Variants in ARHGAP12 observed in about 807,000 individuals in gnomAD.
ARHGAP12 encodes the protein rho GTPase-activating protein 12.
In ARHGAP12, 64 loss-of-function variants were observed where a neutral mutation model predicts 108.6. The observed-to-expected ratio is 0.59, with a 90% CI of 0.48 to 0.73. ARHGAP12 has a LOEUF of 0.73. ARHGAP12 is among the 30% of genes least tolerant of loss of function. The pLI is 0.00. For missense variants in ARHGAP12, 940 were observed against 1,005.9 expected, an observed-to-expected ratio of 0.93 and a Z score of 0.89; for synonymous variants, 312 against 337.2, an observed-to-expected ratio of 0.93 and a Z score of 0.82.
intron 3 of ARHGAP12, 131 bp downstream of exon 3, chr10:31,908,041 G>C: frequency 1.2e-6 from 1 of 840,310 alleles, no homozygotes; most frequent in Non-Finnish European, 1.8e-6. Context: ...CTCTAAATCA[G>C]GATAGAACCC....
chr10:31,916,976 C>G (rs1470364997), intron 1 of ARHGAP12, among the ~76,000 whole-genome samples: 1 of 152,142 alleles, frequency 6.6e-6, no homozygotes, highest in Non-Finnish European at 1.5e-5. Flanking sequence ...TACGTATAAC[C>G]TATTTAGCAA....
intron 11 of ARHGAP12, among the ~76,000 whole-genome samples, chr10:31,825,097 T>C (rs1835555810): frequency 6.6e-6 from 1 of 152,078 alleles, no homozygotes; most frequent in Admixed American, 6.5e-5. Flanking sequence ...AGGGAGCAAA[T>C]TAAAAGATTA....
intron 3 of ARHGAP12, among the ~76,000 whole-genome samples, chr10:31,894,882 T>C (rs576901727): frequency 0.012 from 1,816 of 152,270 alleles, 45 homozygotes; most frequent in African/African-American, 0.041. Context: ...AACAGCATGG[T>C]ACTGGTACCA....
intron 3 of ARHGAP12, among the ~76,000 whole-genome samples, chr10:31,883,458 C>G (rs1344552212): frequency 2.6e-5 from 4 of 152,198 alleles, no homozygotes; most frequent in African/African-American, 9.7e-5. Context: ...ATCTCTCACA[C>G]TGCATAACAT....
intron 1 of ARHGAP12, among the ~76,000 whole-genome samples, chr10:31,919,997 C>T (rs886170206): frequency 8.0e-5 from 12 of 150,780 alleles, no homozygotes; most frequent in African/African-American, 2.9e-4. Flanking sequence ...GCCTGTAATC[C>T]CAGCTACTCA....
chr10:31,918,353 ACACAC>A (rs1486837304), intron 1 of ARHGAP12, among the ~76,000 whole-genome samples: 1 of 147,778 alleles, frequency 6.8e-6, no homozygotes, highest in Non-Finnish European at 1.5e-5. Flanking sequence ...ACACACACAC[ACACAC>A]ACCAATGAGA....
rs767676241 is a variant in ARHGAP12, at chr10:31,807,613, C to A, written c.*45G>T. The A allele has an allele frequency of 6.5e-7, 1 of 1,543,520 alleles. No homozygotes were observed. The highest frequency in any genetic ancestry group is 1.2e-5 in the South Asian group (1 of 80,650). On this transcript the variant is annotated 3_prime_UTR_variant, in exon 20 of 20. Coordinates refer to ENST00000344936, the MANE Select transcript of ARHGAP12 (RefSeq NM_018287.7). ...TACATTGTGTATAAACATTTGAAAT[C>A]TGATGGAATCCAGCTTCTATTCCAC...
intron 1 of ARHGAP12, among the ~76,000 whole-genome samples, chr10:31,919,242 C>A (rs765374821): frequency 6.6e-6 from 1 of 152,156 alleles, no homozygotes; most frequent in Non-Finnish European, 1.5e-5. Context: ...CAGGAAGTTA[C>A]TGCTTAATGG....
chr10:31,809,982 C>T (rs1834955754), intron 16 of ARHGAP12, among the ~76,000 whole-genome samples: 1 of 151,986 alleles, frequency 6.6e-6, no homozygotes, highest in African/African-American at 2.4e-5. Context: ...ATCCCTATTG[C>T]CATGTTGACA....
intron 15 of ARHGAP12, 66 bp from the exon 16 acceptor site, chr10:31,810,813 C>T (rs2132138037): frequency 1.6e-6 from 2 of 1,218,070 alleles, no homozygotes; most frequent in Non-Finnish European, 2.4e-6. Context: ...AATGGCTAAC[C>T]ATTCAGAGTG....
intron 10 of ARHGAP12, among the ~76,000 whole-genome samples, chr10:31,827,163 T>C (rs1747174995): frequency 6.6e-6 from 1 of 152,200 alleles, no homozygotes; most frequent in Non-Finnish European, 1.5e-5. Context: ...TTCACCCATT[T>C]AGAACTTTAA....
In ARHGAP12 at chr10:31,805,648, T is replaced by TCACACACACACACACACA. The variant is rs3028478; in HGVS notation, c.*1992_*2009dup. ...GTAGACTAATAAAACATTTAAGACT[T>TCACACACACACACACACA]CACACACACACACACACACACACAC... is the stretch of plus-strand genomic sequence containing the variant. On this transcript the variant is annotated 3_prime_UTR_variant, in exon 20 of 20. Coordinates refer to ENST00000344936, the MANE Select transcript of ARHGAP12 (RefSeq NM_018287.7). 4.3e-4 allele frequency: 62 copies of TCACACACACACACACACA among 144,184 alleles called. No homozygotes were observed. The highest frequency in any genetic ancestry group is 1.6e-3 in the African/African-American group (60 of 37,822). The allele number at this position is 144,184 out of a possible 1,614,324, so 8.9% of individuals were successfully genotyped here. A position where few individuals can be genotyped will look rare whatever the true frequency, so the allele number is the denominator to read the frequency against.
chr10:31,841,372 T>C (rs1836259004), intron 7 of ARHGAP12, among the ~76,000 whole-genome samples: 1 of 152,160 alleles, frequency 6.6e-6, no homozygotes, highest in Non-Finnish European at 1.5e-5. Context: ...AGATGGTCCT[T>C]GACTTATGAT....
At chr10:31,897,627 G>A (rs1284205862) in intron 3 of ARHGAP12, among the ~76,000 whole-genome samples, 1 of 152,024 alleles carries the variant, frequency 6.6e-6, no homozygotes, top group African/African-American at 2.4e-5. Flanking sequence ...CAACTACAGC[G>A]AACATTAAAA....
chr10:31,816,318 C>T (rs1018921251), intron 13 of ARHGAP12, among the ~76,000 whole-genome samples: 9 of 152,028 alleles, frequency 5.9e-5, no homozygotes, highest in Admixed American at 4.6e-4. Flanking sequence ...CTAACTAATA[C>T]ACTAGGTTTG....
At chr10:31,832,842 A>C (rs1835882902) in intron 9 of ARHGAP12, among the ~76,000 whole-genome samples, 1 of 152,188 alleles carries the variant, frequency 6.6e-6, no homozygotes, top group South Asian at 2.1e-4. Context: ...ATAAAAACTG[A>C]CATCTGTAGA....
intron 9 of ARHGAP12, among the ~76,000 whole-genome samples, chr10:31,837,477 C>T (rs1347845891): frequency 1.3e-5 from 2 of 152,182 alleles, no homozygotes; most frequent in Non-Finnish European, 2.9e-5. Flanking sequence ...ATAACTTGCA[C>T]TTATTCAATG....
At chr10:31,844,056 A>G in intron 6 of ARHGAP12, among the ~76,000 whole-genome samples, 1 of 152,180 alleles carries the variant, frequency 6.6e-6, no homozygotes, top group East Asian at 1.9e-4. Context: ...AAAAACCTAA[A>G]CCAAAAATTA....
intron 4 of ARHGAP12, among the ~76,000 whole-genome samples, chr10:31,856,945 G>A (rs1329604291): frequency 6.6e-6 from 1 of 152,150 alleles, no homozygotes; most frequent in Non-Finnish European, 1.5e-5. Context: ...CTTGACAACT[G>A]AGAAACAATG....
Sources: gnomAD v4.1 joint callset for allele counts (sites outside exome capture counted in the v4.1 genomes callset) on GRCh38, gnomAD v4.1.1 for gene constraint, MANE v1.5 for transcripts, NCBI Gene and HGNC (gene_info 2026-07-23, HGNC 2026-07-21) for gene names.